The following RAPGEF3 variants were observed in gnomAD, a reference collection of about 807,000 sequenced individuals.
The protein encoded by RAPGEF3 is 9330170P05Rik.
Under a neutral mutation model 129.8 loss-of-function variants are expected in RAPGEF3, and 103 were observed. That is an observed-to-expected ratio of 0.79 (90% CI 0.68 to 0.93). The LOEUF (loss-of-function observed/expected upper bound fraction) is 0.93, where lower values mean the gene tolerates loss of function less well. Ranked by LOEUF, RAPGEF3 falls within the 40% of genes least tolerant of loss-of-function variation. The pLI is 0.00. For synonymous variants in RAPGEF3, 436 were observed against 482.6 expected, an observed-to-expected ratio of 0.90 and a Z score of 1.26; for missense variants, 1,117 against 1,207.4, an observed-to-expected ratio of 0.93 and a Z score of 1.11.
Position 47,737,116 on chromosome 12 carries a change from C to G in RAPGEF3, c.*451G>C. The stretch of plus-strand genomic sequence containing the variant: ...AAAGCTGTGGAAAGAAAGCAGGGGG[C>G]CCCTGCCCCAGGCCAAGGCCCTGCC... On this transcript the variant is annotated 3_prime_UTR_variant, in exon 28 of 28. Transcript: ENST00000449771. 5.8e-6 allele frequency: 1 copy of G among 173,606 alleles called. No individual in the cohort carries two copies. 10.8% of individuals were successfully genotyped at this position (173,606 alleles called of 1,614,324 possible). A position where few individuals can be genotyped will look rare whatever the true frequency, so the allele number is the denominator to read the frequency against.
intron 15 of RAPGEF3, 86 bp from the exon 16 acceptor site, chr12:47,746,985 C>T (rs943552723): frequency 1.7e-5 from 22 of 1,326,860 alleles, no homozygotes; most frequent in Non-Finnish European, 2.2e-5. Context: ...GGATTCTCCC[C>T]GGCCCTCACC....
intron 16 of RAPGEF3, chr12:47,746,265 G>A (rs1351726299): frequency 3.9e-6 from 1 of 256,906 alleles, no homozygotes; most frequent in Non-Finnish European, 7.4e-6. Context: ...GGGACACACA[G>A]TAGGGTGGGA....
rs971137925 is a variant in RAPGEF3 at position 47,747,843 on chromosome 12, C to T, written c.1342G>A (p.Gly448Ser). ...GTGCTGCGCTCCTGCTCGCTGCCAC[C>T]CGCAGGCTCCACATGGAAGGTGGGC... ...LLHHFHVEPA[G>S]GSEQERSTYV... Residue 448 changes from glycine (G) to serine (S), a missense_variant, in exon 14 of 28, where the codon GGT becomes AGT. Physicochemically the swap from Gly to Ser is moderately conservative, Grantham distance 56. Around this residue, in one of 3 missense-constraint regions of RAPGEF3, gnomAD observed 643 missense variants for 673.4 expected, o/e 0.95. Transcript: ENST00000449771. The T allele has an allele frequency of 6.2e-7, 1 of 1,603,992 alleles. No individual in the cohort carries two copies. The highest frequency in any genetic ancestry group is 8.5e-7 in the Non-Finnish European group (1 of 1,179,932).
chr12:47,742,548 G>A (rs564445719), intron 18 of RAPGEF3, among the ~76,000 whole-genome samples: 32 of 152,216 alleles, frequency 2.1e-4, no homozygotes, highest in African/African-American at 7.2e-4. Context: ...TGTCAAGCCC[G>A]TGCCCTCCGC....
intron 16 of RAPGEF3, chr12:47,746,509 C>A: frequency 1.6e-6 from 1 of 620,264 alleles, no homozygotes. Flanking sequence ...TGAGCTCCCA[C>A]AGCACTGGCC....
In RAPGEF3 at chr12:47,743,269, A is replaced by C. The variant is rs769201135; in HGVS notation, c.1825+261T>G. Among the ~76,000 whole-genome samples, 35 of 152,354 alleles carry C rather than the reference A, an allele frequency of 2.3e-4. 1 individual carries two copies. The highest frequency in any genetic ancestry group is 1.9e-4 in the East Asian group (1 of 5,182). ...GATAAAACTGAGCACAGAGGGATGA[A>C]GTACCCTGCCAGAGGACACACAGAT... On this transcript the variant is annotated intron_variant, in intron 18 of 27. Transcript: ENST00000449771.
chr12:47,737,791 A>G, intron 27 of RAPGEF3, 106 bp from the exon 28 acceptor site: 1 of 1,184,950 alleles, frequency 8.4e-7, no homozygotes, highest in East Asian at 2.4e-5. Flanking sequence ...TCCACCACCC[A>G]CCAACCACTT....
intron 23 of RAPGEF3, 42 bp downstream of exon 23, chr12:47,740,099 C>A (rs759509000): frequency 6.3e-7 from 1 of 1,596,960 alleles, no homozygotes; most frequent in South Asian, 1.1e-5. Flanking sequence ...CCGAGCCCAG[C>A]TGATCCTAGC....
Position 47,749,312 on chromosome 12 carries a change from G to GCTCTGGC in RAPGEF3, c.1041+77_1041+78insGCCAGAG, listed in dbSNP as rs1941605063. 1 of 1,544,144 alleles carries GCTCTGGC rather than the reference G, an allele frequency of 6.5e-7. No individual in the cohort carries two copies. The highest frequency in any genetic ancestry group is 8.9e-7 in the Non-Finnish European group (1 of 1,129,246). On this transcript the variant is annotated intron_variant, in intron 10 of 27. Coordinates refer to ENST00000449771, the MANE Select transcript of RAPGEF3 (RefSeq NM_001098531.4). This position sits in a 1 kb window ranked among gnomAD's most constrained non-coding sequence, Gnocchi z 4.5. The stretch of plus-strand genomic sequence containing the variant: ...CTGCCCTGCTTCTTACAGGCCCTCT[G>GCTCTGGC]CTCTGGTCCCTACTCCTCTCTCCAC...
intron 23 of RAPGEF3, 122 bp downstream of exon 23, chr12:47,740,019 C>T: frequency 7.8e-7 from 1 of 1,275,944 alleles, no homozygotes; most frequent in South Asian, 1.3e-5. Context: ...GGTTGGGAAC[C>T]CTGAAAGTGA....
Position 47,746,893 on chromosome 12 carries a change from C to G in RAPGEF3, c.1563G>C (p.Glu521Asp). 1 of 1,602,266 alleles carries G rather than the reference C, an allele frequency of 6.2e-7. No homozygotes were observed. The highest frequency in any genetic ancestry group is 8.5e-7 in the Non-Finnish European group (1 of 1,176,462). Residue 521 changes from glutamate (E) to aspartate (D), a missense_variant, in exon 16 of 28, where the codon GAG (glutamate) becomes GAC (aspartate). By Grantham distance (45) the Glu-to-Asp change is conservative. Transcript: ENST00000449771. ...GAGGAGATGCATTCCCACAGCCATT[C>G]TCCAACCTGCAGACAAGAGAGAAGG... ...WPERRRCHRL[E>D]NGCGNASPQM...
At chr12:47,748,656 C>A in intron 11 of RAPGEF3, 114 bp from the exon 12 acceptor site, 1 of 1,095,446 alleles carries the variant, frequency 9.1e-7, no homozygotes. Flanking sequence ...CCTGTCCCAC[C>A]TTAGGGCAGG....
chr12:47,737,619 A>T lies in RAPGEF3; in HGVS notation c.2720T>A (p.Val907Asp), dbSNP rs1307339436. Residue 907 changes from valine to aspartate, a missense_variant, in exon 28 of 28, where the codon GTC (valine) becomes GAC (aspartate). By Grantham distance (152) the Val-to-Asp change is radical. Around this residue, in one of 3 missense-constraint regions of RAPGEF3, gnomAD observed 643 missense variants for 673.4 expected, o/e 0.95. Coordinates refer to ENST00000449771, the MANE Select transcript of RAPGEF3 (RefSeq NM_001098531.4). ...GGAGAGTTCCCGCTGGTTGTCAATG[A>T]CCTTCAGCTGCTGGACATAAGCCCA... ...STWAYVQQLKVIDNQRELSRL... is the reference protein window; with the variant it reads ...STWAYVQQLKDIDNQRELSRL... The T allele has an allele frequency of 3.1e-6, 5 of 1,610,162 alleles. No individual in the cohort carries two copies. The highest frequency in any genetic ancestry group is 4.2e-6 in the Non-Finnish European group (5 of 1,178,938).
chr12:47,754,721 C>T (rs1443900039), intron 2 of RAPGEF3, among the ~76,000 whole-genome samples: 1 of 151,982 alleles, frequency 6.6e-6, no homozygotes, highest in Non-Finnish European at 1.5e-5. Flanking sequence ...CATGATGGGC[C>T]CTATTACCAG....
rs1941297533 is a variant in RAPGEF3, at chr12:47,743,999, C to T, written c.1666G>A (p.Val556Ile). 1 of 1,608,614 alleles carries T rather than the reference C, an allele frequency of 6.2e-7. No homozygotes were observed. Residue 556 changes from valine (V) to isoleucine (I), a missense_variant, in exon 17 of 28, where the codon GTT becomes ATT. Val to Ile is a conservative substitution (Grantham distance 29). Coordinates refer to ENST00000449771, the MANE Select transcript of RAPGEF3 (RefSeq NM_001098531.4). ...ACAGACCACCAACCTTTATCCCCAA[C>T]TTGGATGGCACAGCTGCTGCCAGGA... ...PLPGSSCAIQ[V>I]GDKVPYDICR... is the part of the protein sequence containing the mutation.
In RAPGEF3 at chr12:47,738,034, T is replaced by C. The variant is rs1259866783; in HGVS notation, c.2641A>G (p.Arg881Gly). The C allele has an allele frequency of 3.7e-6, 5 of 1,352,998 alleles. No homozygotes were observed. In the Admixed American group the frequency reaches 9.6e-5, roughly 26 times the overall value. The allele number at this position is 1,352,998 out of a possible 1,614,324, so 83.8% of individuals were successfully genotyped here. A position where few individuals can be genotyped will look rare whatever the true frequency, so the allele number is the denominator to read the frequency against. Reference sequence around the variant, plus strand: ...GCCCACCACTTACATGTGGAAATCCTCGCCACCTGGCTGTCCTCGTGGAGG... The same window carrying C: ...GCCCACCACTTACATGTGGAAATCCCCGCCACCTGGCTGTCCTCGTGGAGG... ...SHLHEDSQVARISTCSEQSLS... is the reference protein window; with the variant it reads ...SHLHEDSQVAGISTCSEQSLS... The change falls in exon 27 of 28, where the codon AGG (arginine) becomes GGG (glycine). Residue 881 changes from arginine to glycine, a missense_variant. Transcript: ENST00000449771.
Position 47,738,216 on chromosome 12 carries a change from T to C in RAPGEF3, c.2558A>G (p.His853Arg). The C allele has an allele frequency of 6.2e-7, 1 of 1,613,656 alleles. No homozygotes were observed. The highest frequency in any genetic ancestry group is 8.5e-7 in the Non-Finnish European group (1 of 1,179,982). The change falls in exon 26 of 28, where the codon CAC becomes CGC. Residue 853 changes from histidine (H) to arginine (R), a missense_variant. Coordinates refer to ENST00000449771, the MANE Select transcript of RAPGEF3 (RefSeq NM_001098531.4). ...RMMARAARML[H>R]HCRSHNPVPL... ...ACCAGGGTTGTGGCTTCGGCAGTGGTGCAGCATCCGCGCGGCTCTGGCCAT... is the reference window on the plus strand; with the variant it reads ...ACCAGGGTTGTGGCTTCGGCAGTGGCGCAGCATCCGCGCGGCTCTGGCCAT...
intron 2 of RAPGEF3, 51 bp downstream of exon 2, chr12:47,757,815 C>T: frequency 6.7e-7 from 1 of 1,492,126 alleles, no homozygotes; most frequent in South Asian, 1.2e-5. Flanking sequence ...TCTAGGCCCC[C>T]CTCTAGCTCT....
chr12:47,738,882 C>T, intron 24 of RAPGEF3, 128 bp from the exon 25 acceptor site: 3 of 864,632 alleles, frequency 3.5e-6, no homozygotes, highest in Non-Finnish European at 5.8e-6. Flanking sequence ...CTGCCCCCTC[C>T]AAGCCCCAGC....
Sources: gnomAD v4.1 joint callset for allele counts (sites outside exome capture counted in the v4.1 genomes callset) on GRCh38, gnomAD v4.1.1 for gene constraint, gnomAD v4.1.1 regional missense constraint, Gnocchi (gnomAD v3.1) non-coding constraint, MANE v1.5 for transcripts, NCBI Gene and HGNC (gene_info 2026-07-23, HGNC 2026-07-21) for gene names.